Variants in ADAM17 observed in about 807,000 individuals in gnomAD.
The protein encoded by ADAM17 is disintegrin and metalloproteinase domain-containing protein 17.
Under a neutral mutation model 96.7 loss-of-function variants are expected in ADAM17, and 39 were observed. The ratio of observed to expected loss-of-function variants is 0.40; its 90% CI spans 0.31 to 0.53. ADAM17 has a LOEUF of 0.53. Ranked by LOEUF, ADAM17 falls within the 20% of genes least tolerant of loss-of-function variation. The pLI, the probability that ADAM17 is intolerant of heterozygous loss-of-function variation, is 0.44. For synonymous variants in ADAM17, 344 were observed against 359.2 expected, an observed-to-expected ratio of 0.96 and a Z score of 0.48; for missense variants, 777 against 1,013.2, an observed-to-expected ratio of 0.77 and a Z score of 3.17.
intron 7 of ADAM17, 83 bp downstream of exon 7, chr2:9,523,166 C>T (rs923148984): frequency 1.4e-5 from 14 of 1,020,688 alleles, no homozygotes; most frequent in Middle Eastern, 2.2e-4. Context: ...TTGTTAAGGA[C>T]AAGTTTTTAG....
intron 10 of ADAM17, among the ~76,000 whole-genome samples, chr2:9,511,392 G>A (rs955212818): frequency 6.6e-6 from 1 of 152,114 alleles, no homozygotes; most frequent in African/African-American, 2.4e-5. Context: ...GGAGGTTGCA[G>A]TGAGCTGAGA....
In ADAM17 at chr2:9,555,491, A is replaced by G. The variant is rs375582202; in HGVS notation, c.97+18T>C. 98 of 1,555,058 alleles carry G rather than the reference A, an allele frequency of 6.3e-5. No individual in the cohort carries two copies. In the African/African-American group the frequency reaches 1.2e-3, roughly 20 times the overall value. On this transcript the variant is annotated intron_variant, in intron 1 of 18. Transcript: ENST00000310823. ...GCGCTCCAGGCGCCGGCCTAAGCCA[A>G]CTCCCCTGGGTCTTTACCGAGTCTC...
chr2:9,551,295 T>C (rs1665584875), intron 1 of ADAM17, among the ~76,000 whole-genome samples: 1 of 152,044 alleles, frequency 6.6e-6, no homozygotes, highest in African/African-American at 2.4e-5. Context: ...TGGCTGATTT[T>C]AGGAGTAAAT....
chr2:9,539,703 T>A (rs1012307597), intron 2 of ADAM17, among the ~76,000 whole-genome samples: 5 of 152,198 alleles, frequency 3.3e-5, no homozygotes, highest in Non-Finnish European at 5.9e-5. Context: ...GCTATCTTTG[T>A]TTTTGTTCTT....
In ADAM17 at chr2:9,490,115, AT is replaced by A. The variant is rs3833563; in HGVS notation, c.*61del. On this transcript the variant is annotated 3_prime_UTR_variant, in exon 19 of 19. Coordinates refer to ENST00000310823, the MANE Select transcript of ADAM17 (RefSeq NM_003183.6). The stretch of plus-strand genomic sequence containing the variant: ...CTTCACAAAATACAAGCTGTGATTG[AT>A]TTGTAGGTCAAATCTATAAAAATAT... The A allele has an allele frequency of 0.55, 785,065 of 1,423,458 alleles. 224,718 individuals are homozygous for A. The highest frequency in any genetic ancestry group is 0.65 in the Middle Eastern group (2,670 of 4,116). The allele number at this position is 1,423,458 out of a possible 1,614,324, so 88.2% of individuals were successfully genotyped here. A position where few individuals can be genotyped will look rare whatever the true frequency, so the allele number is the denominator to read the frequency against.
intron 2 of ADAM17, among the ~76,000 whole-genome samples, chr2:9,542,431 G>C (rs968332881): frequency 6.6e-6 from 1 of 152,114 alleles, no homozygotes; most frequent in Non-Finnish European, 1.5e-5. Context: ...TAACTAGTTA[G>C]CTAAATAAAT....
chr2:9,495,010 C>G, intron 14 of ADAM17: 2 of 391,732 alleles, frequency 5.1e-6, no homozygotes, highest in Non-Finnish European at 9.3e-6. Context: ...ATTCTAGATT[C>G]AAGACCTCTC....
rs954621873 is a variant in ADAM17 at position 9,513,403 on chromosome 2, T to G, written c.1192-3272A>C. Among the ~76,000 whole-genome samples, 8 of 152,204 alleles carry G rather than the reference T, an allele frequency of 5.3e-5. No individual in the cohort carries two copies. The South Asian group carries it at 1.2e-3, about 24-fold the overall frequency. ...AATTAATCAGACCCAAAGAGGAGAA[T>G]GTGGAAACCCCAACTTGAAGCCAGT... is the stretch of plus-strand genomic sequence containing the variant. On this transcript the variant is annotated intron_variant, in intron 10 of 18. Coordinates refer to ENST00000310823, the MANE Select transcript of ADAM17 (RefSeq NM_003183.6).
intron 4 of ADAM17, among the ~76,000 whole-genome samples, chr2:9,532,721 C>A (rs1156745069): frequency 6.8e-6 from 1 of 147,946 alleles, no homozygotes; most frequent in East Asian, 2.0e-4. Flanking sequence ...TTCCTGGGCT[C>A]AAGCAGTCCA....
rs530746446 is a variant in ADAM17, at chr2:9,538,078, A to G, written c.231-1250T>C. 2.7e-4 allele frequency among the ~76,000 whole-genome samples: 41 copies of G among 150,654 alleles called. No homozygotes were observed. The Middle Eastern group carries it at 0.01, about 39-fold the overall frequency. On this transcript the variant is annotated intron_variant, in intron 2 of 18. Coordinates refer to ENST00000310823, the MANE Select transcript of ADAM17 (RefSeq NM_003183.6). ...CTTACTATTCTTTTTGTTGAGTTTC[A>G]GTCCAGTTCTTTAATTGGCTTACTA...
At chr2:9,492,801 T>C (rs1662270545) in intron 17 of ADAM17, 97 bp downstream of exon 17, 1 of 1,051,836 alleles carries the variant, frequency 9.5e-7, no homozygotes. Flanking sequence ...AGGCCAAACT[T>C]TGCTAAGAAC....
intron 4 of ADAM17, among the ~76,000 whole-genome samples, chr2:9,533,021 T>C (rs60971183): frequency 0.064 from 9,676 of 151,732 alleles, 1,088 homozygotes; most frequent in African/African-American, 0.22. Flanking sequence ...AAACCCCATC[T>C]CTACTAAAAC....
chr2:9,517,361 C>T (rs1261103639), intron 10 of ADAM17, among the ~76,000 whole-genome samples: 1 of 152,064 alleles, frequency 6.6e-6, no homozygotes, highest in Non-Finnish European at 1.5e-5. Context: ...AAGCAACATG[C>T]ACAGAAGACC....
At chr2:9,527,139 A>G (rs1046837994) in intron 5 of ADAM17, among the ~76,000 whole-genome samples, 16 of 152,168 alleles carry the variant, frequency 1.1e-4, no homozygotes, top group African/African-American at 3.9e-4. Context: ...CCTGACCAAC[A>G]TGGTGAAACC....
intron 3 of ADAM17, 62 bp from the exon 4 acceptor site, chr2:9,535,984 A>C: frequency 9.1e-7 from 1 of 1,096,396 alleles, no homozygotes; most frequent in Non-Finnish European, 1.3e-6. Context: ...ACTATGCATT[A>C]CTCTCAATAA....
intron 6 of ADAM17, among the ~76,000 whole-genome samples, chr2:9,525,123 T>G (rs1411514882): frequency 6.6e-6 from 1 of 152,044 alleles, no homozygotes; most frequent in Non-Finnish European, 1.5e-5. Context: ...TGACTCTTAC[T>G]AGCCTCATAA....
intron 4 of ADAM17, among the ~76,000 whole-genome samples, chr2:9,528,159 C>A (rs935385849): frequency 1.5e-5 from 2 of 134,854 alleles, no homozygotes; most frequent in Non-Finnish European, 2.9e-5. Context: ...ATTATAAACT[C>A]TGATTATTTT....
rs1052689122 is a variant in ADAM17, at chr2:9,489,353, G to A, written c.*824C>T. ...CAACCTCAGCCTCTCCAAGTGCTGG[G>A]ATTACAGGCATGAGCCACCACTCCC... On this transcript the variant is annotated 3_prime_UTR_variant, in exon 19 of 19. Coordinates refer to ENST00000310823, the MANE Select transcript of ADAM17 (RefSeq NM_003183.6). 2.0e-5 allele frequency: 3 copies of A among 147,324 alleles called. No individual in the cohort carries two copies. Among genetic ancestry groups the A allele is most frequent in the Non-Finnish European group, 4.4e-5 (3 of 67,596 alleles). 9.1% of individuals were successfully genotyped at this position (147,324 alleles called of 1,614,324 possible). A position where few individuals can be genotyped will look rare whatever the true frequency, so the allele number is the denominator to read the frequency against.
intron 8 of ADAM17, among the ~76,000 whole-genome samples, chr2:9,520,318 G>A (rs545370166): frequency 1.3e-5 from 2 of 152,250 alleles, no homozygotes; most frequent in African/African-American, 4.8e-5. Flanking sequence ...ACAAACTCAA[G>A]ACACTGGAAT....
Sources: gnomAD v4.1 joint callset for allele counts (sites outside exome capture counted in the v4.1 genomes callset) on GRCh38, gnomAD v4.1.1 for gene constraint, MANE v1.5 for transcripts, NCBI Gene and HGNC (gene_info 2026-07-23, HGNC 2026-07-21) for gene names.